Variants in GALNT13 observed in about 807,000 individuals in gnomAD.
The protein encoded by GALNT13 is polypeptide N-acetylgalactosaminyltransferase 13.
Under a neutral mutation model 64.2 loss-of-function variants are expected in GALNT13, and 28 were observed. The observed-to-expected ratio is 0.44, with a 90% confidence interval of 0.32 to 0.60. The LOEUF (loss-of-function observed/expected upper bound fraction) is 0.60, where lower values mean the gene tolerates loss of function less well. Among genes scored for constraint, GALNT13 ranks in the 20% least tolerant of loss-of-function variants. The pLI, the probability that GALNT13 is intolerant of heterozygous loss-of-function variation, is 0.05. For synonymous variants in GALNT13, 214 were observed against 224.6 expected (o/e 0.95, Z 0.42); for missense variants, 577 against 669.8 (o/e 0.86, Z 1.53).
the GALNT13 span, among the ~76,000 whole-genome samples, chr2:153,297,767 A>T: frequency 6.6e-6 from 1 of 152,232 alleles, no homozygotes; most frequent in Admixed American, 6.5e-5. Flanking sequence ...GCTGAGGCTA[A>T]CAATAGTGGA....
chr2:153,998,408 T>C (rs2105212194), intron 3 of GALNT13, among the ~76,000 whole-genome samples: 1 of 152,368 alleles, frequency 6.6e-6, no homozygotes, highest in East Asian at 1.9e-4. Context: ...AATGAGCTTT[T>C]TTTCATATGT....
chr2:154,351,846 A>C lies in GALNT13; in HGVS notation c.1157-44145A>C, dbSNP rs184174248. Among the ~76,000 whole-genome samples the C allele has an allele frequency of 3.6e-3, 555 of 152,248 alleles. 6 individuals carry two copies. The highest frequency in any genetic ancestry group is 0.013 in the African/African-American group (528 of 41,534). ...TTCTAAACACTTTGATCAATAAAACAAGTAGTTTTATATATGCATATAAAA... is the reference window on the plus strand; with the variant it reads ...TTCTAAACACTTTGATCAATAAAACCAGTAGTTTTATATATGCATATAAAA... On this transcript the variant is annotated intron_variant, in intron 9 of 12. Transcript: ENST00000392825.
chr2:153,802,066 A>G, the GALNT13 span, among the ~76,000 whole-genome samples: 1 of 152,168 alleles, frequency 6.6e-6, no homozygotes, highest in Non-Finnish European at 1.5e-5. Context: ...ATAGTCGTGT[A>G]TCTGAGGACT....
intron 11 of GALNT13, among the ~76,000 whole-genome samples, chr2:154,428,544 A>G (rs1406213170): frequency 6.6e-6 from 1 of 152,232 alleles, no homozygotes; most frequent in African/African-American, 2.4e-5. Flanking sequence ...ATACATGTAT[A>G]TGTATCTAGG....
chr2:153,788,652 A>G, the GALNT13 span, among the ~76,000 whole-genome samples: 1 of 152,274 alleles, frequency 6.6e-6, no homozygotes, highest in Non-Finnish European at 1.5e-5. Context: ...TAGGTAGAGA[A>G]TGGCAAGCTG....
chr2:153,737,366 T>C, the GALNT13 span, among the ~76,000 whole-genome samples: 1 of 152,208 alleles, frequency 6.6e-6, no homozygotes, highest in African/African-American at 2.4e-5. Context: ...CTGTCTTGTA[T>C]ATATTTATTG....
the GALNT13 span, among the ~76,000 whole-genome samples, chr2:153,330,398 C>T: frequency 1.3e-5 from 2 of 152,046 alleles, no homozygotes; most frequent in Admixed American, 6.6e-5. Flanking sequence ...ATTAATTCTT[C>T]CAATCAAATA....
chr2:154,322,865 G>A (rs2105167930), intron 9 of GALNT13, among the ~76,000 whole-genome samples: 1 of 152,174 alleles, frequency 6.6e-6, no homozygotes, highest in East Asian at 1.9e-4. Flanking sequence ...CTGTTCTGCA[G>A]GATCCAAGAT....
chr2:154,396,166 A>G, intron 10 of GALNT13, 36 bp downstream of exon 10: 1 of 1,456,360 alleles, frequency 6.9e-7, no homozygotes. Context: ...TTATAAATAT[A>G]TTTTGCAAAT....
chr2:154,178,404 C>A (rs1182679435), intron 4 of GALNT13, among the ~76,000 whole-genome samples: 1 of 100,294 alleles, frequency 1.0e-5, no homozygotes, highest in Admixed American at 1.4e-4. Context: ...CATCACACAC[C>A]GGGGACTGTT....
In GALNT13 at chr2:153,900,941, T is replaced by A. The variant is rs1688195734; in HGVS notation, c.-171T>A. ...GATTTTTTCTTCCTCCACAGATGCA[T>A]TTTTGTAGAAGCATTTTGAGGATGA... On this transcript the variant is annotated 5_prime_UTR_variant, in exon 2 of 13. Transcript: ENST00000392825. 2.6e-5 allele frequency: 4 copies of A among 152,216 alleles called. No homozygotes were observed. Among genetic ancestry groups the A allele is most frequent in the Admixed American group, 2.6e-4 (4 of 15,270 alleles). The allele number at this position is 152,216 out of a possible 1,614,324, so 9.4% of individuals were successfully genotyped here. A position where few individuals can be genotyped will look rare whatever the true frequency, so the allele number is the denominator to read the frequency against.
At chr2:154,053,843 C>T (rs984743359) in intron 3 of GALNT13, among the ~76,000 whole-genome samples, 1 of 152,036 alleles carries the variant, frequency 6.6e-6, no homozygotes, top group Non-Finnish European at 1.5e-5. Flanking sequence ...TTGTGAAATG[C>T]CCCTTTTATG....
At chr2:154,028,477 A>G (rs561963288) in intron 3 of GALNT13, among the ~76,000 whole-genome samples, 2 of 152,134 alleles carry the variant, frequency 1.3e-5, no homozygotes, top group South Asian at 2.1e-4. Flanking sequence ...TCTTCTTTCT[A>G]CTTAAAGATG....
chr2:153,695,750 A>G, the GALNT13 span, among the ~76,000 whole-genome samples: 4 of 152,214 alleles, frequency 2.6e-5, no homozygotes, highest in Non-Finnish European at 2.9e-5. Context: ...AGGAATAAAC[A>G]TTACACAGAG....
At chr2:154,097,373 A>C (rs1430145362) in intron 3 of GALNT13, among the ~76,000 whole-genome samples, 1 of 152,078 alleles carries the variant, frequency 6.6e-6, no homozygotes, top group African/African-American at 2.4e-5. Flanking sequence ...CTACACCAAT[A>C]GGTGGGAAGA....
At chr2:154,316,955 G>C (rs576715600) in intron 9 of GALNT13, among the ~76,000 whole-genome samples, 1 of 152,200 alleles carries the variant, frequency 6.6e-6, no homozygotes, top group Non-Finnish European at 1.5e-5. Context: ...GCTGATGCCT[G>C]TAATCCCAGC....
At chr2:153,257,029 T>C in the GALNT13 span, among the ~76,000 whole-genome samples, 4 of 152,242 alleles carry the variant, frequency 2.6e-5, no homozygotes, top group Non-Finnish European at 4.4e-5. Flanking sequence ...GTCTGGGCAA[T>C]GGCGGGCGCC....
the GALNT13 span, among the ~76,000 whole-genome samples, chr2:153,325,248 T>G: frequency 4.6e-5 from 7 of 151,648 alleles, no homozygotes; most frequent in Non-Finnish European, 5.9e-5. Flanking sequence ...GTCCAGGAAT[T>G]TATCCATTTC....
At chr2:153,864,090 A>C in the GALNT13 span, among the ~76,000 whole-genome samples, 1 of 152,176 alleles carries the variant, frequency 6.6e-6, no homozygotes, top group East Asian at 1.9e-4. Context: ...CAGTAGTATA[A>C]TAAGTCTTTT....
Sources: allele counts gnomAD v4.1 joint callset (sites outside exome capture counted in the v4.1 genomes callset), GRCh38; gene constraint gnomAD v4.1.1; transcripts MANE v1.5; gene names NCBI Gene and HGNC (gene_info 2026-07-23, HGNC 2026-07-21).